The following ASIC2 variants were observed in gnomAD, a reference collection of about 807,000 sequenced individuals.
ASIC2 encodes acid sensing ion channel subunit 2.
In ASIC2, 25 loss-of-function variants were observed where a neutral mutation model predicts 57.3. That is an observed-to-expected ratio of 0.44 (90% CI 0.32 to 0.61). The LOEUF (loss-of-function observed/expected upper bound fraction) is 0.61, where lower values mean the gene tolerates loss of function less well. Among genes scored for constraint, ASIC2 ranks in the 20% least tolerant of loss-of-function variants. The pLI, the probability that ASIC2 is intolerant of heterozygous loss-of-function variation, is 0.06. For synonymous variants in ASIC2, 319 were observed against 307.5 expected (o/e 1.04, Z -0.39); for missense variants, 641 against 738.1 (o/e 0.87, Z 1.52).
intron 1 of ASIC2, among the ~76,000 whole-genome samples, chr17:33,144,344 G>T (rs749928481): frequency 2.3e-4 from 35 of 152,064 alleles, no homozygotes; most frequent in Middle Eastern, 3.2e-3. Context: ...GGGGGAGAAA[G>T]AGAGAGAGCG....
intron 1 of ASIC2, among the ~76,000 whole-genome samples, chr17:33,636,875 A>C (rs370231346): frequency 6.6e-6 from 1 of 151,618 alleles, no homozygotes; most frequent in Non-Finnish European, 1.5e-5. Flanking sequence ...GCATGCACAC[A>C]CACCCACACA....
chr17:33,030,307 T>C (rs1190488293), intron 3 of ASIC2, among the ~76,000 whole-genome samples: 1 of 152,182 alleles, frequency 6.6e-6, no homozygotes, highest in Admixed American at 6.5e-5. Context: ...ACCCCCAATA[T>C]GCTTTCTGTT....
At chr17:33,545,955 G>A (rs949294737) in intron 1 of ASIC2, among the ~76,000 whole-genome samples, 2 of 151,988 alleles carry the variant, frequency 1.3e-5, no homozygotes, top group South Asian at 4.1e-4. Flanking sequence ...TTCCCTTGCT[G>A]GGACTTTTCC....
At position 33,403,128 on chromosome 17, in the gene ASIC2, C is replaced by A. The variant is rs1910340695; in HGVS notation, c.556-291061G>T. On this transcript the variant is annotated intron_variant, in intron 1 of 9. Coordinates refer to the ASIC2 transcript ENST00000359872. Reference sequence around the variant, plus strand: ...GCTCAGCCTGGGTCCTGGCTGCACACCTCCATTGCTAGTGACCATGCAGGG... The same window carrying A: ...GCTCAGCCTGGGTCCTGGCTGCACAACTCCATTGCTAGTGACCATGCAGGG... Among the ~76,000 whole-genome samples the A allele has an allele frequency of 3.9e-5, 6 of 152,204 alleles. No homozygotes were observed. In the South Asian group the frequency reaches 1.2e-3, roughly 32 times the overall value.
chr17:33,186,236 G>A (rs544682853), intron 1 of ASIC2, among the ~76,000 whole-genome samples: 13 of 152,058 alleles, frequency 8.5e-5, no homozygotes, highest in Middle Eastern at 3.4e-3. Flanking sequence ...TCAGACTCTC[G>A]AGTAGCTGGG....
chr17:33,996,014 T>A (rs1906148643), intron 1 of ASIC2, among the ~76,000 whole-genome samples: 1 of 152,214 alleles, frequency 6.6e-6, no homozygotes, highest in Non-Finnish European at 1.5e-5. Flanking sequence ...ATACCTATTG[T>A]CTCTCATCTT....
At chr17:34,141,796 GA>G (rs1169278973) in intron 1 of ASIC2, among the ~76,000 whole-genome samples, 1 of 152,224 alleles carries the variant, frequency 6.6e-6, no homozygotes, top group Non-Finnish European at 1.5e-5. Context: ...TGTCCTGCCT[GA>G]AACAGTGTTC....
intron 1 of ASIC2, among the ~76,000 whole-genome samples, chr17:33,647,399 G>A (rs184474483): frequency 5.3e-5 from 8 of 152,240 alleles, no homozygotes; most frequent in Admixed American, 3.9e-4. Context: ...AGGGATCCTG[G>A]AGCCCCTCTT....
chr17:33,186,908 A>G (rs12601887), intron 1 of ASIC2, among the ~76,000 whole-genome samples: 1,686 of 152,334 alleles, frequency 0.011, 19 homozygotes, highest in African/African-American at 0.027. Context: ...ATGCAACAAC[A>G]ATGAACCATT....
intron 1 of ASIC2, among the ~76,000 whole-genome samples, chr17:33,578,650 C>T (rs1916728025): frequency 6.6e-6 from 1 of 152,098 alleles, no homozygotes; most frequent in Non-Finnish European, 1.5e-5. Flanking sequence ...TAGACTCCAT[C>T]TCTCCCCTTA....
intron 3 of ASIC2, among the ~76,000 whole-genome samples, chr17:33,045,942 G>A (rs549593393): frequency 4.6e-5 from 7 of 152,280 alleles, no homozygotes; most frequent in Middle Eastern, 3.4e-3. Flanking sequence ...CAGAGCTGCC[G>A]GGTACAGCTA....
intron 3 of ASIC2, among the ~76,000 whole-genome samples, chr17:33,075,787 C>A (rs1018231693): frequency 6.6e-6 from 1 of 152,154 alleles, no homozygotes; most frequent in East Asian, 1.9e-4. Context: ...GTGTCAGACA[C>A]AGAACAAGCA....
At chr17:33,408,842 G>A (rs1280527417) in intron 1 of ASIC2, among the ~76,000 whole-genome samples, 2 of 152,200 alleles carry the variant, frequency 1.3e-5, no homozygotes, top group Non-Finnish European at 2.9e-5. Context: ...CACAGAGTGA[G>A]GGATGAGAGA....
At chr17:33,501,312 T>C (rs1914094715) in intron 1 of ASIC2, among the ~76,000 whole-genome samples, 1 of 152,234 alleles carries the variant, frequency 6.6e-6, no homozygotes, top group African/African-American at 2.4e-5. Context: ...TCTTGATCTA[T>C]AGCATCTCTG....
chr17:33,612,580 C>T (rs1438778994), intron 1 of ASIC2, among the ~76,000 whole-genome samples: 19 of 152,158 alleles, frequency 1.2e-4, no homozygotes, highest in Admixed American at 1.2e-3. Context: ...TCCCAGCCTC[C>T]CCTGCAGTTA....
chr17:33,408,359 G>A (rs763623769), intron 1 of ASIC2, among the ~76,000 whole-genome samples: 1 of 152,142 alleles, frequency 6.6e-6, no homozygotes, highest in Admixed American at 6.5e-5. Flanking sequence ...GCTGGGCTAT[G>A]GTTGTAGGTG....
chr17:34,114,599 G>A (rs962587833), intron 1 of ASIC2, among the ~76,000 whole-genome samples: 2 of 152,202 alleles, frequency 1.3e-5, no homozygotes, highest in Non-Finnish European at 2.9e-5. Context: ...CTAAAAGCAA[G>A]TCAGGGATGT....
intron 1 of ASIC2, among the ~76,000 whole-genome samples, chr17:33,752,427 C>G (rs1910464548): frequency 6.6e-6 from 1 of 151,968 alleles, no homozygotes; most frequent in Non-Finnish European, 1.5e-5. Flanking sequence ...AAAAGACAAG[C>G]CACAGACTGG....
chr17:33,829,118 C>G (rs565828147), intron 1 of ASIC2, among the ~76,000 whole-genome samples: 2 of 152,292 alleles, frequency 1.3e-5, no homozygotes, highest in African/African-American at 2.4e-5. Context: ...AGCCTATGCA[C>G]TGGAGAGAAA....
Sources: gnomAD v4.1 joint callset for allele counts (sites outside exome capture counted in the v4.1 genomes callset) on GRCh38, gnomAD v4.1.1 for gene constraint, MANE v1.5 for transcripts, NCBI Gene and HGNC (gene_info 2026-07-23, HGNC 2026-07-21) for gene names.